The following MYT1L variants were observed in gnomAD, a reference collection of about 807,000 sequenced individuals.
MYT1L encodes myelin transcription factor 1-like protein.
Under a neutral mutation model 126.7 loss-of-function variants are expected in MYT1L, and 12 were observed. That is an observed-to-expected ratio of 0.09 (90% CI 0.06 to 0.15). The LOEUF (loss-of-function observed/expected upper bound fraction) is 0.15, where lower values mean the gene tolerates loss of function less well. MYT1L is among the 10% of genes least tolerant of loss of function. The pLI is 1.00. For missense variants in MYT1L, 979 were observed against 1,585.2 expected (o/e 0.62, Z 6.49); for synonymous variants, 541 against 604.2 (o/e 0.90, Z 1.53).
At chr2:2,153,890 G>C (rs993878202) in intron 3 of MYT1L, among the ~76,000 whole-genome samples, 1 of 152,086 alleles carries the variant, frequency 6.6e-6, no homozygotes. Context: ...AGGAACCCCC[G>C]GGTGCAGCGT....
At chr2:1,844,040 G>T (rs555877523) in intron 19 of MYT1L, among the ~76,000 whole-genome samples, 10 of 152,268 alleles carry the variant, frequency 6.6e-5, no homozygotes, top group African/African-American at 2.4e-4. Flanking sequence ...GGTCTCTTCT[G>T]GGGCACTAGC....
chr2:1,794,744 C>T lies in MYT1L; in HGVS notation c.3277-2280G>A, dbSNP rs116741497. ...TTAGGCTGTTCCTTCCCGTGCTACC[C>T]GGGTCTGTGGCTGGGATGGGGGTGG... On this transcript the variant is annotated intron_variant, in intron 23 of 24. Transcript: ENST00000647738. 4.4e-3 allele frequency among the ~76,000 whole-genome samples: 675 copies of T among 152,290 alleles called. 7 individuals are homozygous for T. The highest frequency in any genetic ancestry group is 0.015 in the African/African-American group (623 of 41,554).
intron 1 of MYT1L, chr2:2,303,949 C>A (rs553553316): frequency 6.6e-6 from 1 of 152,154 alleles, no homozygotes. Context: ...GTCCCAGCTG[C>A]GGGTAGTTGT....
rs571494663 is a variant in MYT1L, at chr2:1,944,337, T to C, written c.153-1003A>G. 1.1e-3 allele frequency among the ~76,000 whole-genome samples: 160 copies of C among 152,302 alleles called. 1 individual carries two copies. Among genetic ancestry groups the C allele is most frequent in the Non-Finnish European group, 2.0e-3 (133 of 68,038 alleles). ...TCAAAGCTACATTACAAATTCACTT[T>C]TGTTGTAGAAATAATATATATACTA... On this transcript the variant is annotated intron_variant, in intron 8 of 24. Transcript: ENST00000647738.
chr2:1,845,645 T>C (rs1192093048), intron 19 of MYT1L, among the ~76,000 whole-genome samples: 6 of 152,202 alleles, frequency 3.9e-5, no homozygotes, highest in Non-Finnish European at 7.3e-5. Context: ...CCAAGTGCGC[T>C]TTTGACACCT....
intron 13 of MYT1L, among the ~76,000 whole-genome samples, chr2:1,907,463 G>A (rs780037056): frequency 1.3e-5 from 2 of 152,204 alleles, no homozygotes; most frequent in Admixed American, 6.5e-5. Flanking sequence ...AGGGCAATCT[G>A]TTTATTCCCC....
intron 2 of MYT1L, among the ~76,000 whole-genome samples, chr2:2,274,718 A>G (rs1347786065): frequency 2.0e-5 from 3 of 152,216 alleles, no homozygotes; most frequent in Admixed American, 6.5e-5. Context: ...ATCACTTTGC[A>G]CAGGAATCTT....
At chr2:2,176,500 CT>C (rs569937187) in intron 2 of MYT1L, among the ~76,000 whole-genome samples, 18,818 of 141,626 alleles carry the variant, frequency 0.13, 1,003 homozygotes, top group African/African-American at 0.14. Context: ...TAGGACATAA[CT>C]TTTTTTTTTT....
rs774578029 is a variant in MYT1L at position 1,923,036 on chromosome 2, G to C, written c.733C>G (p.Arg245Gly). 1 of 1,613,742 alleles carries C rather than the reference G, an allele frequency of 6.2e-7. No homozygotes were observed. The highest frequency in any genetic ancestry group is 1.3e-5 in the African/African-American group (1 of 74,876). Residue 245 changes from arginine (R) to glycine (G), a missense_variant, in exon 10 of 25, where the codon CGG becomes GGG. Transcript: ENST00000647738. The part of the protein sequence containing the change: ...DDSDKNENLG[R>G]KSELSLDLDS... ...AAGTCTAAACTCAACTCACTTTTCC[G>C]ACCCAGGTTTTCGTTTTTGTCACTA...
intron 3 of MYT1L, among the ~76,000 whole-genome samples, chr2:2,151,927 G>C (rs541397119): frequency 6.6e-6 from 1 of 151,992 alleles, no homozygotes; most frequent in Non-Finnish European, 1.5e-5. Flanking sequence ...GTGGTGGCAG[G>C]TGCCTGTAAT....
chr2:2,306,132 C>T (rs1198353737), intron 1 of MYT1L: 1 of 152,196 alleles, frequency 6.6e-6, no homozygotes, highest in Non-Finnish European at 1.5e-5. Flanking sequence ...TGCCCAGACT[C>T]TTTTCCTCAT....
intron 4 of MYT1L, among the ~76,000 whole-genome samples, chr2:1,998,333 G>A (rs758099252): frequency 6.6e-6 from 1 of 152,196 alleles, no homozygotes; most frequent in Non-Finnish European, 1.5e-5. Context: ...TGGAAGTGCC[G>A]CTGCACTTTC....
At position 1,831,202 on chromosome 2, in the gene MYT1L, G is replaced by A. The variant is rs543634931; in HGVS notation, c.3080+7947C>T. Among the ~76,000 whole-genome samples, 26 of 149,878 alleles carry A rather than the reference G, an allele frequency of 1.7e-4. No homozygotes were observed. In the South Asian group the frequency reaches 1.9e-3, roughly 11 times the overall value. ...GATGGAGCAGATGGAGCTCTGCTCC[G>A]AGGACCCCTGGCTCCCCCCAGATGG... On this transcript the variant is annotated intron_variant, in intron 21 of 24. Transcript: ENST00000647738.
chr2:2,205,333 T>C (rs1442452732), intron 2 of MYT1L, among the ~76,000 whole-genome samples: 1 of 152,104 alleles, frequency 6.6e-6, no homozygotes, highest in Non-Finnish European at 1.5e-5. Context: ...GTTTTTCTTG[T>C]TTTTAAATGG....
At chr2:2,032,143 G>A (rs1452257761) in intron 4 of MYT1L, among the ~76,000 whole-genome samples, 3 of 123,912 alleles carry the variant, frequency 2.4e-5, no homozygotes, top group African/African-American at 1.0e-4. Context: ...GATTCTAGAA[G>A]GAGGGCCTTA....
At chr2:2,327,695 T>G (rs575716124) in intron 1 of MYT1L, among the ~76,000 whole-genome samples, 1 of 152,304 alleles carries the variant, frequency 6.6e-6, no homozygotes, top group African/African-American at 2.4e-5. Flanking sequence ...TTGGAAACAC[T>G]GGTTATTGAT....
chr2:1,915,852 G>T (rs574057798), intron 11 of MYT1L, among the ~76,000 whole-genome samples: 1 of 152,286 alleles, frequency 6.6e-6, no homozygotes, highest in Admixed American at 6.5e-5. Flanking sequence ...GGAAAGAAAG[G>T]GTGGCAGAGT....
intron 19 of MYT1L, among the ~76,000 whole-genome samples, chr2:1,849,303 C>T (rs1411855639): frequency 6.6e-6 from 1 of 152,166 alleles, no homozygotes; most frequent in African/African-American, 2.4e-5. Flanking sequence ...AAATAAACAC[C>T]AGCATGGAAT....
At chr2:2,213,767 G>T (rs1572518808) in intron 2 of MYT1L, among the ~76,000 whole-genome samples, 1 of 152,132 alleles carries the variant, frequency 6.6e-6, no homozygotes, top group Non-Finnish European at 1.5e-5. Context: ...TTCTAGAAAT[G>T]CAAACATATC....
Sources: gnomAD v4.1 joint callset for allele counts (sites outside exome capture counted in the v4.1 genomes callset) on GRCh38, gnomAD v4.1.1 for gene constraint, MANE v1.5 for transcripts, NCBI Gene and HGNC (gene_info 2026-07-23, HGNC 2026-07-21) for gene names.